The following ZNRF1 variants were observed in gnomAD, a reference collection of about 807,000 sequenced individuals.
ZNRF1 encodes the protein E3 ubiquitin-protein ligase ZNRF1.
In ZNRF1, 3 loss-of-function variants were observed where a neutral mutation model predicts 18.4. That is an observed-to-expected ratio of 0.16 (90% CI 0.07 to 0.42). ZNRF1 has a LOEUF of 0.42. ZNRF1 is among the 10% of genes least tolerant of loss of function. ZNRF1 has a pLI of 0.99. For missense variants in ZNRF1, 310 were observed against 329.8 expected (o/e 0.94, Z 0.47); for synonymous variants, 157 against 144.2 (o/e 1.09, Z -0.64).
chr16:75,053,867 C>T (rs1019503474), intron 1 of ZNRF1, among the ~76,000 whole-genome samples: 2 of 152,166 alleles, frequency 1.3e-5, no homozygotes, highest in African/African-American at 4.8e-5. Flanking sequence ...TCCTGGGCTC[C>T]TGTACTCCCT....
chr16:75,049,311 C>CT (rs920141178), intron 1 of ZNRF1, among the ~76,000 whole-genome samples: 17 of 151,878 alleles, frequency 1.1e-4, no homozygotes, highest in East Asian at 1.9e-4. Flanking sequence ...GCCTGGAATC[C>CT]TTTTTTTTAT....
At chr16:75,090,468 G>A (rs769410250) in intron 1 of ZNRF1, among the ~76,000 whole-genome samples, 5 of 151,976 alleles carry the variant, frequency 3.3e-5, no homozygotes, top group Non-Finnish European at 7.4e-5. Flanking sequence ...TCCTCCCACC[G>A]TGGCCTCTCA....
intron 1 of ZNRF1, among the ~76,000 whole-genome samples, chr16:75,038,581 A>G (rs2035402692): frequency 6.6e-6 from 1 of 152,220 alleles, no homozygotes; most frequent in African/African-American, 2.4e-5. Flanking sequence ...AGCTGGTAAG[A>G]TGGACACTAT....
At chr16:75,052,403 A>C (rs1264105647) in intron 1 of ZNRF1, among the ~76,000 whole-genome samples, 1 of 150,816 alleles carries the variant, frequency 6.6e-6, no homozygotes, top group Non-Finnish European at 1.5e-5. Flanking sequence ...CCTGTCTCAA[A>C]AAAAAAAAAA....
intron 1 of ZNRF1, among the ~76,000 whole-genome samples, chr16:75,083,838 G>C (rs558793172): frequency 6.6e-6 from 1 of 152,234 alleles, no homozygotes; most frequent in African/African-American, 2.4e-5. Context: ...ATAGAACCAA[G>C]AGATTTGACA....
At chr16:75,021,671 G>A (rs2035150634) in intron 1 of ZNRF1, among the ~76,000 whole-genome samples, 1 of 152,130 alleles carries the variant, frequency 6.6e-6, no homozygotes, top group African/African-American at 2.4e-5. Context: ...TTATCTTCTA[G>A]CTTTTGATAT....
intron 1 of ZNRF1, among the ~76,000 whole-genome samples, chr16:75,085,787 A>T (rs1040604233): frequency 6.7e-5 from 5 of 74,082 alleles, no homozygotes; most frequent in African/African-American, 1.2e-4. Context: ...CAGATCCGAC[A>T]GAGTGAGAGA....
Position 75,108,551 on chromosome 16 carries a change from C to T in ZNRF1, c.*851C>T, listed in dbSNP as rs2036343483. On this transcript the variant is annotated 3_prime_UTR_variant, in exon 5 of 5. Coordinates refer to ENST00000335325, the MANE Select transcript of ZNRF1 (RefSeq NM_032268.5). ...AGAACATTTTAGCCATTGATGTTCA[C>T]ACGTGGCATCAGCCCATGCAAGATA... The T allele has an allele frequency of 5.0e-6, 2 of 398,484 alleles. No individual in the cohort carries two copies. The highest frequency in any genetic ancestry group is 2.1e-5 in the African/African-American group (1 of 48,510). 24.7% of individuals were successfully genotyped at this position (398,484 alleles called of 1,614,324 possible).
At chr16:75,003,819 C>A (rs1395381553) in intron 1 of ZNRF1, among the ~76,000 whole-genome samples, 3 of 152,126 alleles carry the variant, frequency 2.0e-5, no homozygotes, top group Non-Finnish European at 2.9e-5. Flanking sequence ...GTAGAAGACG[C>A]CTGTCCTGCT....
At position 75,077,167 on chromosome 16, in the gene ZNRF1, C is replaced by T. The variant is rs528693513; in HGVS notation, c.425-16405C>T. 3.3e-5 allele frequency among the ~76,000 whole-genome samples: 5 copies of T among 152,184 alleles called. No individual in the cohort carries two copies. The South Asian group carries it at 8.3e-4, about 25-fold the overall frequency. On this transcript the variant is annotated intron_variant, in intron 1 of 4. Coordinates refer to ENST00000335325, the MANE Select transcript of ZNRF1 (RefSeq NM_032268.5). ...CAGCACTTTGGGAGGCCAAGGTGGG[C>T]GGACCACGAGGTCAGGAGATCGAGA...
chr16:75,077,401 G>A (rs1315574807), intron 1 of ZNRF1, among the ~76,000 whole-genome samples: 6 of 152,184 alleles, frequency 3.9e-5, no homozygotes, highest in African/African-American at 1.2e-4. Context: ...GCGTGGTGGT[G>A]TATGCCTGTA....
At chr16:75,058,103 T>C (rs900255300) in intron 1 of ZNRF1, among the ~76,000 whole-genome samples, 3 of 54,524 alleles carry the variant, frequency 5.5e-5, no homozygotes, top group African/African-American at 1.7e-4. Context: ...TTCCTTTCCT[T>C]TTCTTTTTTT....
chr16:75,081,446 A>G (rs1425734031), intron 1 of ZNRF1, among the ~76,000 whole-genome samples: 1 of 152,058 alleles, frequency 6.6e-6, no homozygotes, highest in Non-Finnish European at 1.5e-5. Flanking sequence ...AGCAGTTTTT[A>G]TTGTTGCCTT....
At chr16:75,002,639 C>T (rs13337049) in intron 1 of ZNRF1, among the ~76,000 whole-genome samples, 329 of 152,324 alleles carry the variant, frequency 2.2e-3, no homozygotes, top group African/African-American at 7.6e-3. Context: ...CTCCTCTGAG[C>T]AGCTGTGACC....
At chr16:75,062,388 A>C (rs183435978) in intron 1 of ZNRF1, among the ~76,000 whole-genome samples, 1 of 152,362 alleles carries the variant, frequency 6.6e-6, no homozygotes, top group Admixed American at 6.5e-5. Flanking sequence ...TGGCCAGTGC[A>C]CTGACCTTTT....
At chr16:75,078,260 GT>G (rs1324881478) in intron 1 of ZNRF1, among the ~76,000 whole-genome samples, 1 of 117,142 alleles carries the variant, frequency 8.5e-6, no homozygotes, top group African/African-American at 3.2e-5. Context: ...CTGGCTGCTT[GT>G]TTTTTTAATT....
chr16:75,075,088 C>G (rs1233346944), intron 1 of ZNRF1, among the ~76,000 whole-genome samples: 2 of 134,868 alleles, frequency 1.5e-5, no homozygotes, highest in African/African-American at 5.4e-5. Context: ...CTGGGCACTT[C>G]CAGGTGGGGG....
chr16:75,010,711 G>GTTTTTTTTTTTTTTTTTTTTTTT (rs67210395), intron 1 of ZNRF1, among the ~76,000 whole-genome samples: 4 of 74,322 alleles, frequency 5.4e-5, no homozygotes, highest in African/African-American at 1.6e-4. Flanking sequence ...GTTTTTTTTT[G>GTTTTTTTTTTTTTTTTTTTTTTT]TTTTTTTGTT....
rs146660613 is a variant in ZNRF1 at position 75,059,733 on chromosome 16, C to A, written c.425-33839C>A. ...CAAAAGTTCGAAGTTTTTACTCTACCTGTAATGTTTGGAAATTGTATAAAT... is the reference window on the plus strand; with the variant it reads ...CAAAAGTTCGAAGTTTTTACTCTACATGTAATGTTTGGAAATTGTATAAAT... On this transcript the variant is annotated intron_variant, in intron 1 of 4. Coordinates refer to ENST00000335325, the MANE Select transcript of ZNRF1 (RefSeq NM_032268.5). 1.2e-4 allele frequency among the ~76,000 whole-genome samples: 18 copies of A among 152,234 alleles called. No homozygotes were observed. The East Asian group carries it at 3.1e-3, about 26-fold the overall frequency.
Sources: allele counts gnomAD v4.1 joint callset (sites outside exome capture counted in the v4.1 genomes callset), GRCh38; gene constraint gnomAD v4.1.1; transcripts MANE v1.5; gene names NCBI Gene and HGNC (gene_info 2026-07-23, HGNC 2026-07-21).